ELOB: variants seen among roughly 807,000 people sequenced by gnomAD.
ELOB encodes elongin B.
A neutral mutation model predicts 12.9 loss-of-function variants in ELOB; 3 were observed. That is an observed-to-expected ratio of 0.23 (90% confidence interval 0.11 to 0.60). ELOB has a LOEUF of 0.60. Among genes scored for constraint, ELOB ranks in the 20% least tolerant of loss-of-function variants. The pLI is 0.89. For missense variants in ELOB, 126 were observed against 159.2 expected, an observed-to-expected ratio of 0.79 and a Z score of 1.12; for synonymous variants, 84 against 67.4, an observed-to-expected ratio of 1.25 and a Z score of -1.21.
rs760784168 is a variant in ELOB, at chr16:2,777,016, G to C, written c.115C>G (p.Pro39Ala). 3.1e-6 allele frequency: 5 copies of C among 1,598,208 alleles called. No individual in the cohort carries two copies. Among genetic ancestry groups the C allele is most frequent in the Non-Finnish European group, 4.3e-6 (5 of 1,174,180 alleles). ...RIVEGILKRP[P>A]DEQRLYKDDQ... ...ACCTTGTACAGCCGCTGCTCGTCAG[G>C]AGGCCGCTTGAGGATGCCCTCGACG... Residue 39 changes from proline (P) to alanine (A), a missense_variant, in exon 2 of 4, where the codon CCT becomes GCT. Transcript: ENST00000409906.
rs778558745 is a variant in ELOB, at chr16:2,771,541, A to G, written c.*449T>C. On this transcript the variant is annotated 3_prime_UTR_variant, in exon 4 of 4. Coordinates refer to ENST00000409906, the MANE Select transcript of ELOB (RefSeq NM_007108.4). ...GTTCCCTCGTTGAACATGCTGTCAA[A>G]CCAGGACACTGGCTCCAGCTTGTGT... is the stretch of plus-strand genomic sequence containing the variant. 6.2e-7 allele frequency: 1 copy of G among 1,614,104 alleles called. No homozygotes were observed.
chr16:2,772,224 G>C, intron 3 of ELOB, 122 bp from the exon 4 acceptor site: 1 of 1,209,656 alleles, frequency 8.3e-7, no homozygotes, highest in Non-Finnish European at 1.1e-6. Flanking sequence ...CCTCCACACG[G>C]CTGTAGTCTC....
chr16:2,773,357 C>A (rs544988286), intron 3 of ELOB, among the ~76,000 whole-genome samples: 1 of 152,260 alleles, frequency 6.6e-6, no homozygotes, highest in East Asian at 1.9e-4. Context: ...CCAATGTGCC[C>A]ACTGTGCCGA....
At position 2,775,372 on chromosome 16, in the gene ELOB, C is replaced by T. The variant is rs970350262; in HGVS notation, c.244+79G>A. 7.8e-6 allele frequency: 8 copies of T among 1,026,926 alleles called. No homozygotes were observed. The Admixed American group carries it at 2.2e-4, about 28-fold the overall frequency. The allele number at this position is 1,026,926 out of a possible 1,614,324, so 63.6% of individuals were successfully genotyped here. On this transcript the variant is annotated intron_variant, in intron 3 of 3. Coordinates refer to ENST00000409906, the MANE Select transcript of ELOB (RefSeq NM_007108.4). Reference sequence around the variant, plus strand: ...CTGCCCTGAAGGCTTCAACTCCAGGCTCCCTGATGACCTTCTTTGGAACAG... The same window carrying T: ...CTGCCCTGAAGGCTTCAACTCCAGGTTCCCTGATGACCTTCTTTGGAACAG...
At chr16:2,775,423 C>T (rs763038802) in intron 3 of ELOB, 28 bp downstream of exon 3, 7 of 1,550,472 alleles carry the variant, frequency 4.5e-6, no homozygotes, top group South Asian at 1.1e-5. Flanking sequence ...TGGCTACCAC[C>T]CAGCCCAGTG....
At position 2,777,183 on chromosome 16, in the gene ELOB, C is replaced by A. The variant is rs1231633257; in HGVS notation, c.3+54G>T. On this transcript the variant is annotated intron_variant, in intron 1 of 3. Transcript: ENST00000409906. ...GCCCGGGCCCCCCGCGCGGCCCAGC[C>A]GCCCCCCGCCGCCCCCGGCCCGGCC... 2.6e-5 allele frequency: 26 copies of A among 1,009,784 alleles called. No homozygotes were observed. In the African/African-American group the frequency reaches 3.5e-4, roughly 14 times the overall value. 62.6% of individuals were successfully genotyped at this position (1,009,784 alleles called of 1,614,324 possible).
intron 1 of ELOB, 22 bp from the exon 2 acceptor site, chr16:2,777,149 G>A (rs1488253536): frequency 2.1e-6 from 3 of 1,444,050 alleles, no homozygotes; most frequent in Middle Eastern, 2.7e-4. Flanking sequence ...GGGCCGGCGT[G>A]AGCACGAAGC....
chr16:2,777,196 C>T (rs2068807091), intron 1 of ELOB, 41 bp downstream of exon 1: 1 of 1,005,580 alleles, frequency 9.9e-7, no homozygotes, highest in Non-Finnish European at 1.2e-6. Flanking sequence ...CCCCCGCCGC[C>T]CCCGGCCCGG....
chr16:2,775,960 A>T (rs1303769098), intron 2 of ELOB, among the ~76,000 whole-genome samples: 1 of 152,130 alleles, frequency 6.6e-6, no homozygotes, highest in Non-Finnish European at 1.5e-5. Flanking sequence ...GCGCTATCAT[A>T]GCCCCCTCCA....
At chr16:2,774,709 G>T (rs867822290) in intron 3 of ELOB, among the ~76,000 whole-genome samples, 82 of 152,320 alleles carry the variant, frequency 5.4e-4, no homozygotes, top group African/African-American at 2.0e-3. Context: ...CTCTCTTCAA[G>T]TTCCTAGAGA....
rs1406939240 is a variant in ELOB, at chr16:2,771,529, A to G, written c.*461T>C. ...GTCCGTCTTGGGGTTCCCTCGTTGA[A>G]CATGCTGTCAAACCAGGACACTGGC... On this transcript the variant is annotated 3_prime_UTR_variant, in exon 4 of 4. Coordinates refer to ENST00000409906, the MANE Select transcript of ELOB (RefSeq NM_007108.4). The G allele has an allele frequency of 6.2e-7, 1 of 1,614,110 alleles. No homozygotes were observed. The highest frequency in any genetic ancestry group is 1.3e-5 in the African/African-American group (1 of 74,998).
In ELOB at chr16:2,771,876, A is replaced by G; in HGVS notation, c.*114T>C. 6.8e-7 allele frequency: 1 copy of G among 1,472,796 alleles called. No individual in the cohort carries two copies. Among genetic ancestry groups the G allele is most frequent in the Non-Finnish European group, 9.0e-7 (1 of 1,110,802 alleles). 91.2% of individuals were successfully genotyped at this position (1,472,796 alleles called of 1,614,324 possible). Reference sequence around the variant, plus strand: ...ACAGGAACTGCCAAGCACAAGCCCCAAAAGGAGCCCACAGGGAGTGGGACC... The same window carrying G: ...ACAGGAACTGCCAAGCACAAGCCCCGAAAGGAGCCCACAGGGAGTGGGACC... On this transcript the variant is annotated 3_prime_UTR_variant, in exon 4 of 4. Transcript: ENST00000409906.
intron 2 of ELOB, 46 bp downstream of exon 2, chr16:2,776,947 C>T (rs1856214353): frequency 3.3e-6 from 5 of 1,529,000 alleles, no homozygotes; most frequent in Non-Finnish European, 4.4e-6. Flanking sequence ...CAGCCCCGTG[C>T]CCGGCGCCGG....
intron 3 of ELOB, 86 bp from the exon 4 acceptor site, chr16:2,772,188 G>T: frequency 7.0e-7 from 1 of 1,424,786 alleles, no homozygotes; most frequent in South Asian, 1.5e-5. Flanking sequence ...ATCATCTGCA[G>T]CTTTGGGGAT....
chr16:2,776,944 G>A, intron 2 of ELOB, 49 bp downstream of exon 2: 2 of 1,513,392 alleles, frequency 1.3e-6, no homozygotes, highest in Admixed American at 2.0e-5. Flanking sequence ...CGTCAGCCCC[G>A]TGCCCGGCGC....
intron 3 of ELOB, 76 bp from the exon 4 acceptor site, chr16:2,772,178 A>G (rs915741077): frequency 5.4e-5 from 78 of 1,453,384 alleles, no homozygotes; most frequent in Middle Eastern, 1.8e-4. Flanking sequence ...TTCACGTGTG[A>G]TCATCTGCAG....
chr16:2,772,644 A>G (rs1596302175), intron 3 of ELOB: 1 of 150,492 alleles, frequency 6.6e-6, no homozygotes, highest in Non-Finnish European at 1.5e-5. Flanking sequence ...CGGGAGGCGG[A>G]GCTTGCAGTA....
intron 3 of ELOB, among the ~76,000 whole-genome samples, chr16:2,774,289 C>A (rs944231692): frequency 1.3e-5 from 2 of 152,218 alleles, no homozygotes; most frequent in Non-Finnish European, 2.9e-5. Flanking sequence ...CTATGCCAGC[C>A]CTGCACCTGA....
In ELOB at chr16:2,771,721, G is replaced by A. The variant is rs546180592; in HGVS notation, c.*269C>T. 12 of 1,550,858 alleles carry A rather than the reference G, an allele frequency of 7.7e-6. No homozygotes were observed. The highest frequency in any genetic ancestry group is 1.9e-5 in the Admixed American group (1 of 53,828). On this transcript the variant is annotated 3_prime_UTR_variant, in exon 4 of 4. Transcript: ENST00000409906. ...TCCTTCCCTTTCCTCCCCCTGGCGT[G>A]GTTGGTGTGGCTGGCTAGCTGCTAA...
Sources: gnomAD v4.1 joint callset for allele counts (sites outside exome capture counted in the v4.1 genomes callset) on GRCh38, gnomAD v4.1.1 for gene constraint, MANE v1.5 for transcripts, NCBI Gene and HGNC (gene_info 2026-07-23, HGNC 2026-07-21) for gene names.